VPS8: variants seen among roughly 807,000 people sequenced by gnomAD.
The protein encoded by VPS8 is VPS8 subunit of CORVET complex, also known as vacuolar protein sorting-associated protein 8 homolog.
Under a neutral mutation model 216.4 loss-of-function variants are expected in VPS8, and 129 were observed. The ratio of observed to expected loss-of-function variants is 0.60; its 90% CI spans 0.52 to 0.69. The LOEUF is 0.69. VPS8 is among the 30% of genes least tolerant of loss of function. The pLI, the probability that VPS8 is intolerant of heterozygous loss-of-function variation, is 0.00. For missense variants in VPS8, 1,531 were observed against 1,683.5 expected, an observed-to-expected ratio of 0.91 and a Z score of 1.59; for synonymous variants, 571 against 565.4, an observed-to-expected ratio of 1.01 and a Z score of -0.14.
chr3:184,940,133 C>A (rs1742385606), intron 35 of VPS8, 64 bp from the exon 36 acceptor site: 1 of 973,668 alleles, frequency 1.0e-6, no homozygotes, highest in South Asian at 1.9e-5. Flanking sequence ...TAGTTCTTTA[C>A]CATGGAATAT....
chr3:184,827,911 G>A (rs920151390), intron 3 of VPS8, among the ~76,000 whole-genome samples: 3 of 152,106 alleles, frequency 2.0e-5, no homozygotes, highest in Non-Finnish European at 2.9e-5. Context: ...CAGGCAAGTC[G>A]TAAGTGGAAG....
At chr3:185,047,075 C>T (rs1713088982) in intron 46 of VPS8, among the ~76,000 whole-genome samples, 1 of 152,186 alleles carries the variant, frequency 6.6e-6, no homozygotes, top group South Asian at 2.1e-4. Context: ...CCCTCTCCTG[C>T]ACATCCCCCA....
chr3:184,970,398 G>T (rs1270202697), intron 39 of VPS8, among the ~76,000 whole-genome samples: 1 of 152,164 alleles, frequency 6.6e-6, no homozygotes, highest in Non-Finnish European at 1.5e-5. Flanking sequence ...CCAGTAGAAT[G>T]GTGTGTCATA....
At chr3:185,013,128 C>G (rs953076375) in intron 45 of VPS8, among the ~76,000 whole-genome samples, 3 of 152,204 alleles carry the variant, frequency 2.0e-5, no homozygotes, top group Non-Finnish European at 4.4e-5. Context: ...GTTTTCCACC[C>G]TGGGTAGGCC....
rs1732766629 is a variant in VPS8, at chr3:184,893,505, C to T, written c.1782-1198C>T. 5 of 503,356 alleles carry T rather than the reference C, an allele frequency of 9.9e-6. No homozygotes were observed. The South Asian group carries it at 2.8e-4, about 28-fold the overall frequency. 31.2% of individuals were successfully genotyped at this position (503,356 alleles called of 1,614,324 possible). On this transcript the variant is annotated intron_variant, in intron 22 of 47. Coordinates refer to ENST00000625842, the MANE Select transcript of VPS8 (RefSeq NM_001009921.3). ...AGGCAATACAATTTATAAATGAAAA[C>T]ATGGAAAATATTCAATTTTGCTGGT...
chr3:184,911,183 T>C (rs1480416423), intron 25 of VPS8, among the ~76,000 whole-genome samples: 1 of 152,234 alleles, frequency 6.6e-6, no homozygotes, highest in Non-Finnish European at 1.5e-5. Flanking sequence ...TGTCAGTTCA[T>C]TTCAGCATAC....
At chr3:184,875,326 G>A (rs937761237) in intron 21 of VPS8, among the ~76,000 whole-genome samples, 19 of 151,844 alleles carry the variant, frequency 1.3e-4, no homozygotes, top group African/African-American at 4.6e-4. Flanking sequence ...CACTATTTTT[G>A]CTTTTCTCCA....
At chr3:184,975,991 T>A (rs1749200932) in intron 40 of VPS8, among the ~76,000 whole-genome samples, 1 of 152,168 alleles carries the variant, frequency 6.6e-6, no homozygotes, top group Admixed American at 6.5e-5. Context: ...GCCTTTGTCC[T>A]CCTTCCTCAT....
intron 39 of VPS8, 104 bp from the exon 40 acceptor site, chr3:184,971,545 A>ATAT: frequency 1.4e-6 from 1 of 700,880 alleles, no homozygotes; most frequent in Non-Finnish European, 2.3e-6. Context: ...TATATACTAG[A>ATAT]AAATGAAGGT....
intron 28 of VPS8, 58 bp from the exon 29 acceptor site, chr3:184,920,069 G>A: frequency 1.7e-6 from 2 of 1,167,808 alleles, no homozygotes; most frequent in East Asian, 5.3e-5. Context: ...TTAATAACTT[G>A]TTTTCTTCTA....
At chr3:184,903,099 A>G (rs953738206) in intron 25 of VPS8, among the ~76,000 whole-genome samples, 1 of 152,166 alleles carries the variant, frequency 6.6e-6, no homozygotes, top group South Asian at 2.1e-4. Flanking sequence ...GTGACCATAT[A>G]ACTGTGGATG....
intron 45 of VPS8, among the ~76,000 whole-genome samples, chr3:185,006,986 C>A (rs1754350176): frequency 6.6e-6 from 1 of 152,220 alleles, no homozygotes; most frequent in Admixed American, 6.5e-5. Flanking sequence ...CCTGCCACTT[C>A]TGTCTCACTG....
At chr3:184,848,164 C>T (rs538144335) in intron 8 of VPS8, among the ~76,000 whole-genome samples, 1 of 152,274 alleles carries the variant, frequency 6.6e-6, no homozygotes, top group Admixed American at 6.5e-5. Flanking sequence ...TTCCCTTCCT[C>T]AGCCTCCCAA....
intron 36 of VPS8, among the ~76,000 whole-genome samples, chr3:184,951,903 A>G (rs1744767762): frequency 6.6e-6 from 1 of 152,192 alleles, no homozygotes; most frequent in African/African-American, 2.4e-5. Flanking sequence ...TACTTCTCTC[A>G]CAAATGAATC....
chr3:185,047,566 C>T (rs1713216390), intron 46 of VPS8, among the ~76,000 whole-genome samples: 1 of 152,156 alleles, frequency 6.6e-6, no homozygotes, highest in Non-Finnish European at 1.5e-5. Flanking sequence ...CAATCTTATA[C>T]ATAAACAAAA....
intron 39 of VPS8, among the ~76,000 whole-genome samples, chr3:184,968,559 ATAG>A (rs1747803988): frequency 6.6e-6 from 1 of 152,096 alleles, no homozygotes. Context: ...CTTTTTTTTA[ATAG>A]TAGCTATCCA....
Position 184,848,926 on chromosome 3 carries a change from A to G in VPS8, c.542-145A>G, listed in dbSNP as rs1000161533. The G allele has an allele frequency of 5.8e-6, 5 of 859,070 alleles. No individual in the cohort carries two copies. In the African/African-American group the frequency reaches 7.0e-5, roughly 12 times the overall value. 53.2% of individuals were successfully genotyped at this position (859,070 alleles called of 1,614,324 possible). On this transcript the variant is annotated intron_variant, in intron 8 of 47. Transcript: ENST00000625842. ...ACGCCCAGCATCTGCTAGTTGCTCA[A>G]TAAATATATTTAAAAATGAATGTGA...
intron 34 of VPS8, among the ~76,000 whole-genome samples, chr3:184,931,661 T>C (rs773986508): frequency 1.4e-4 from 22 of 152,170 alleles, no homozygotes; most frequent in Non-Finnish European, 2.9e-4. Context: ...TCCACACTGC[T>C]GTATATAGGA....
chr3:184,929,686 C>T lies in VPS8; in HGVS notation c.2799+22C>T, dbSNP rs188688249. 11 of 1,380,738 alleles carry T rather than the reference C, an allele frequency of 8.0e-6. No homozygotes were observed. In the East Asian group the frequency reaches 2.5e-4, roughly 31 times the overall value. 85.5% of individuals were successfully genotyped at this position (1,380,738 alleles called of 1,614,324 possible). ...AGAGGTGAGTCAAGATACTGCTTTA[C>T]TCTTTTTTCTTACTCAACTTTCCCT... is the stretch of plus-strand genomic sequence containing the variant. On this transcript the variant is annotated intron_variant, in intron 33 of 47. Transcript: ENST00000625842.
Sources: gnomAD v4.1 joint callset for allele counts (sites outside exome capture counted in the v4.1 genomes callset) on GRCh38, gnomAD v4.1.1 for gene constraint, MANE v1.5 for transcripts, NCBI Gene and HGNC (gene_info 2026-07-23, HGNC 2026-07-21) for gene names.